Variants in LYPLAL1 observed in about 807,000 individuals in gnomAD.
The protein encoded by LYPLAL1 is lysophospholipase-like protein 1.
Under a neutral mutation model 19.7 loss-of-function variants are expected in LYPLAL1, and 23 were observed. That is an observed-to-expected ratio of 1.17 (90% confidence interval 0.84 to 1.65). The LOEUF (loss-of-function observed/expected upper bound fraction) is 1.65, where lower values mean the gene tolerates loss of function less well. LYPLAL1 is among the 40% of genes most tolerant of loss of function. The pLI is 0.00. For missense variants in LYPLAL1, 355 were observed against 279.4 expected (o/e 1.27, Z -1.93); for synonymous variants, 119 against 96.3 (o/e 1.24, Z -1.38).
At chr1:219,330,963 G>A in the LYPLAL1 span, among the ~76,000 whole-genome samples, 1 of 152,162 alleles carries the variant, frequency 6.6e-6, no homozygotes, top group Non-Finnish European at 1.5e-5. Context: ...TCACATATTA[G>A]CAACTGGCAG....
chr1:219,191,622 G>A (rs1045130193), intron 2 of LYPLAL1, among the ~76,000 whole-genome samples: 1 of 151,486 alleles, frequency 6.6e-6, no homozygotes, highest in African/African-American at 2.4e-5. Flanking sequence ...CATTTACACA[G>A]TTTACCGAAT....
the LYPLAL1 span, among the ~76,000 whole-genome samples, chr1:219,369,251 T>G: frequency 1.3e-5 from 2 of 152,214 alleles, no homozygotes; most frequent in African/African-American, 4.8e-5. Context: ...TAACACCCTT[T>G]ATTCTAGTTG....
intron 1 of LYPLAL1, among the ~76,000 whole-genome samples, chr1:219,177,110 C>T (rs898960756): frequency 6.6e-6 from 1 of 152,160 alleles, no homozygotes; most frequent in African/African-American, 2.4e-5. Flanking sequence ...GATGAAACTT[C>T]ACAGCTAGAC....
At chr1:219,281,202 A>G in the LYPLAL1 span, among the ~76,000 whole-genome samples, 2 of 152,212 alleles carry the variant, frequency 1.3e-5, no homozygotes, top group Non-Finnish European at 2.9e-5. Context: ...TGTAGAAAGT[A>G]TCTTTTCCTT....
intron 2 of LYPLAL1, among the ~76,000 whole-genome samples, chr1:219,191,358 A>G (rs1373620670): frequency 6.6e-6 from 1 of 151,652 alleles, no homozygotes; most frequent in Non-Finnish European, 1.5e-5. Flanking sequence ...ATTAATTCCC[A>G]TTATTAGGGG....
the LYPLAL1 span, among the ~76,000 whole-genome samples, chr1:219,427,029 A>G: frequency 2.0e-5 from 3 of 152,244 alleles, no homozygotes; most frequent in Admixed American, 6.5e-5. Context: ...CTAGCCCCAT[A>G]TTATAATAAT....
chr1:219,285,351 C>T, the LYPLAL1 span, among the ~76,000 whole-genome samples: 1 of 152,152 alleles, frequency 6.6e-6, no homozygotes, highest in Non-Finnish European at 1.5e-5. Context: ...TCATAAAACA[C>T]TAATTGCACT....
the LYPLAL1 span, among the ~76,000 whole-genome samples, chr1:219,422,345 C>T: frequency 2.6e-5 from 4 of 152,108 alleles, no homozygotes; most frequent in African/African-American, 4.8e-5. Context: ...TTAACCAGCC[C>T]CTGATCTACA....
chr1:219,175,407 T>C (rs886468511), intron 1 of LYPLAL1, among the ~76,000 whole-genome samples: 30 of 152,316 alleles, frequency 2.0e-4, no homozygotes, highest in African/African-American at 7.2e-4. Context: ...CCAAGAGTGT[T>C]CATTTATAAG....
At chr1:219,389,918 T>C in the LYPLAL1 span, among the ~76,000 whole-genome samples, 3 of 152,196 alleles carry the variant, frequency 2.0e-5, no homozygotes, top group Non-Finnish European at 4.4e-5. Flanking sequence ...AGATTGAAAA[T>C]TATTGAACTA....
At chr1:219,397,993 T>C in the LYPLAL1 span, among the ~76,000 whole-genome samples, 2 of 152,178 alleles carry the variant, frequency 1.3e-5, no homozygotes, top group African/African-American at 2.4e-5. Flanking sequence ...ATTTTTACTT[T>C]TATTTTGACC....
intron 2 of LYPLAL1, among the ~76,000 whole-genome samples, chr1:219,190,104 A>G (rs1291123481): frequency 6.6e-6 from 1 of 151,650 alleles, no homozygotes; most frequent in Non-Finnish European, 1.5e-5. Context: ...GCCTTTCTCA[A>G]CTAAAGCTCT....
chr1:219,419,590 C>CAGAGAGAG, the LYPLAL1 span, among the ~76,000 whole-genome samples: 7 of 61,362 alleles, frequency 1.1e-4, no homozygotes, highest in African/African-American at 3.3e-4. Flanking sequence ...CACACACACA[C>CAGAGAGAG]ACACAGAGAG....
the LYPLAL1 span, among the ~76,000 whole-genome samples, chr1:219,324,923 A>G: frequency 6.6e-6 from 1 of 152,274 alleles, no homozygotes; most frequent in East Asian, 1.9e-4. Context: ...TTTTCAAATA[A>G]GGTGTTTTCA....
chr1:219,411,329 C>T, the LYPLAL1 span, among the ~76,000 whole-genome samples: 10 of 152,184 alleles, frequency 6.6e-5, no homozygotes, highest in African/African-American at 2.4e-4. Context: ...TTTGTAAATA[C>T]ACCAATCAGC....
chr1:219,230,640 T>C, the LYPLAL1 span, among the ~76,000 whole-genome samples: 8 of 152,244 alleles, frequency 5.3e-5, no homozygotes, highest in African/African-American at 1.9e-4. Context: ...GACAACCTCC[T>C]ATCCCCAAAT....
At chr1:219,439,440 C>T in the LYPLAL1 span, among the ~76,000 whole-genome samples, 16 of 152,164 alleles carry the variant, frequency 1.1e-4, no homozygotes, top group Non-Finnish European at 2.4e-4. Context: ...GTTATCCAAC[C>T]TCAGCAGCCT....
At chr1:219,291,161 A>G in the LYPLAL1 span, among the ~76,000 whole-genome samples, 3 of 152,218 alleles carry the variant, frequency 2.0e-5, no homozygotes, top group Admixed American at 6.5e-5. Context: ...GTTTCATACA[A>G]TGGTGTTTGT....
chr1:219,252,347 T>A, the LYPLAL1 span, among the ~76,000 whole-genome samples: 1 of 152,108 alleles, frequency 6.6e-6, no homozygotes, highest in East Asian at 1.9e-4. Flanking sequence ...CAGGGCATCC[T>A]TGTCTTGTCC....
Sources: allele counts gnomAD v4.1 joint callset (sites outside exome capture counted in the v4.1 genomes callset), GRCh38; gene constraint gnomAD v4.1.1; transcripts MANE v1.5; gene names NCBI Gene and HGNC (gene_info 2026-07-23, HGNC 2026-07-21).